LRP1B: variants seen among roughly 807,000 people sequenced by gnomAD.
LRP1B encodes low-density lipoprotein receptor-related protein 1B.
A neutral mutation model predicts 556.6 loss-of-function variants in LRP1B; 217 were observed. The ratio of observed to expected loss-of-function variants is 0.39; its 90% CI spans 0.35 to 0.44. The LOEUF is 0.44. Ranked by LOEUF, LRP1B falls within the 20% of genes least tolerant of loss-of-function variation. The pLI is 1.00. For synonymous variants in LRP1B, 2,047 were observed against 1,865.8 expected, an observed-to-expected ratio of 1.10 and a Z score of -2.50; for missense variants, 5,053 against 5,620.8, an observed-to-expected ratio of 0.90 and a Z score of 3.23.
chr2:141,230,866 C>G (rs796946413), intron 5 of LRP1B, among the ~76,000 whole-genome samples: 7 of 152,260 alleles, frequency 4.6e-5, no homozygotes, highest in African/African-American at 1.7e-4. Context: ...TTTCTATACA[C>G]CTTCATAGTT....
At chr2:141,056,810 A>G (rs1272567852) in intron 9 of LRP1B, among the ~76,000 whole-genome samples, 1 of 151,856 alleles carries the variant, frequency 6.6e-6, no homozygotes, top group African/African-American at 2.4e-5. Flanking sequence ...CTTCAACTCC[A>G]GAGTTGTATA....
intron 1 of LRP1B, among the ~76,000 whole-genome samples, chr2:141,859,463 T>C (rs1698171377): frequency 6.6e-6 from 1 of 152,206 alleles, no homozygotes; most frequent in Non-Finnish European, 1.5e-5. Flanking sequence ...CCATTAAACA[T>C]GACCAATATC....
rs146163699 is a variant in LRP1B at position 141,541,970 on chromosome 2, G to A, written c.206-61437C>T. ...TTCTAGAAGTTATGGCAGGCATCAT[G>A]GCAAATTTCTAATAGCTTTGCTTTT... is the stretch of plus-strand genomic sequence containing the variant. On this transcript the variant is annotated intron_variant, in intron 2 of 90. Coordinates refer to ENST00000389484, the MANE Select transcript of LRP1B (RefSeq NM_018557.3). Among the ~76,000 whole-genome samples the A allele has an allele frequency of 3.2e-4, 49 of 152,062 alleles. 1 individual carries two copies. In the East Asian group the frequency reaches 9.1e-3, roughly 28 times the overall value.
intron 2 of LRP1B, among the ~76,000 whole-genome samples, chr2:141,701,727 C>G (rs1347274020): frequency 6.6e-6 from 1 of 151,834 alleles, no homozygotes; most frequent in East Asian, 1.9e-4. Flanking sequence ...TTACATTGCC[C>G]TAAGACAGTC....
intron 79 of LRP1B, among the ~76,000 whole-genome samples, chr2:140,333,635 C>T (rs1558809567): frequency 1.3e-5 from 2 of 152,020 alleles, no homozygotes; most frequent in Admixed American, 6.6e-5. Flanking sequence ...TATTACAATG[C>T]ATAATTATTA....
chr2:141,930,073 G>C (rs1296482150), intron 1 of LRP1B, among the ~76,000 whole-genome samples: 1 of 151,854 alleles, frequency 6.6e-6, no homozygotes, highest in Non-Finnish European at 1.5e-5. Flanking sequence ...TTGCCCAAAA[G>C]AGCTTTTCAA....
At chr2:141,896,217 T>G (rs1699449088) in intron 1 of LRP1B, among the ~76,000 whole-genome samples, 1 of 152,106 alleles carries the variant, frequency 6.6e-6, no homozygotes, top group Non-Finnish European at 1.5e-5. Flanking sequence ...AAAAGCAAAG[T>G]TTTTCAAACT....
At chr2:141,104,643 G>A (rs143508314) in intron 7 of LRP1B, among the ~76,000 whole-genome samples, 2,698 of 152,052 alleles carry the variant, frequency 0.018, 37 homozygotes, top group Middle Eastern at 0.031. Context: ...TTTAAAAATT[G>A]AACAGCAATG....
In LRP1B at chr2:141,917,905, G is replaced by T. The variant is rs548365873; in HGVS notation, c.83-107504C>A. 3.9e-5 allele frequency among the ~76,000 whole-genome samples: 6 copies of T among 152,152 alleles called. 1 individual carries two copies. The South Asian group carries it at 1.2e-3, about 32-fold the overall frequency. ...ATGTTTATTGCAATATTGTTTGAAG[G>T]CAAGACAACAAGAAACAGCTAACAT... On this transcript the variant is annotated intron_variant, in intron 1 of 90. Transcript: ENST00000389484.
chr2:140,323,909 A>G lies in LRP1B; in HGVS notation c.12498T>C (p.Arg4166=), dbSNP rs1680307820. 1.3e-6 allele frequency: 2 copies of G among 1,537,570 alleles called. No individual in the cohort carries two copies. Among genetic ancestry groups the G allele is most frequent in the Non-Finnish European group, 9.0e-7 (1 of 1,112,658 alleles). ...TATACTTACAATCTAGTTGTTTATAACGATGAGATATCAAAACACCTTTTG... is the reference window on the plus strand; with the variant it reads ...TATACTTACAATCTAGTTGTTTATAGCGATGAGATATCAAAACACCTTTTG... ...DKTKGVLISH[R]YKQLDLPNPC... The change falls in exon 81 of 91, where the codon CGT becomes CGC. Residue 4166 remains arginine, a synonymous_variant. Transcript: ENST00000389484.
chr2:141,155,412 T>G (rs1702041030), intron 7 of LRP1B, among the ~76,000 whole-genome samples: 2 of 151,856 alleles, frequency 1.3e-5, no homozygotes, highest in Admixed American at 1.3e-4. Context: ...AATATACTAT[T>G]TTTCTGGAAA....
chr2:141,202,427 T>C (rs558178782), intron 6 of LRP1B, among the ~76,000 whole-genome samples: 2 of 152,348 alleles, frequency 1.3e-5, no homozygotes, highest in South Asian at 2.1e-4. Flanking sequence ...TCTGGGTATA[T>C]ACCCAGTAAC....
chr2:140,989,766 A>T (rs1177006147), intron 16 of LRP1B, 109 bp from the exon 17 acceptor site: 13 of 1,034,014 alleles, frequency 1.3e-5, no homozygotes, highest in African/African-American at 1.6e-5. Context: ...AGTACAATAA[A>T]TGTCATAGAG....
Position 140,411,117 on chromosome 2 carries a change from G to C in LRP1B, c.10415-25108C>G, listed in dbSNP as rs572820494. Among the ~76,000 whole-genome samples, 16 of 152,178 alleles carry C rather than the reference G, an allele frequency of 1.1e-4. 1 individual carries two copies. In the South Asian group the frequency reaches 3.3e-3, roughly 32 times the overall value. On this transcript the variant is annotated intron_variant, in intron 66 of 90. Transcript: ENST00000389484. ...ATTCAGCATTAGGGAGCCAAGTATT[G>C]TTTCACCAGAGATTTAGGCAATCTG...
intron 35 of LRP1B, among the ~76,000 whole-genome samples, chr2:140,761,942 T>C (rs191891113): frequency 6.6e-6 from 1 of 151,644 alleles, no homozygotes; most frequent in African/African-American, 2.4e-5. Flanking sequence ...CTTCTCCTCA[T>C]CCATTCTATG....
chr2:141,321,344 T>G (rs1045524657), intron 3 of LRP1B, among the ~76,000 whole-genome samples: 1 of 152,134 alleles, frequency 6.6e-6, no homozygotes, highest in Admixed American at 6.6e-5. Context: ...AATCAAGAGC[T>G]AAAACAATGT....
At chr2:141,203,720 G>T (rs1409188412) in intron 6 of LRP1B, among the ~76,000 whole-genome samples, 2 of 152,102 alleles carry the variant, frequency 1.3e-5, no homozygotes, top group Admixed American at 1.3e-4. Flanking sequence ...CAAATCAACA[G>T]AATATACATT....
intron 6 of LRP1B, among the ~76,000 whole-genome samples, chr2:141,214,903 T>G (rs1682728628): frequency 6.6e-6 from 1 of 152,198 alleles, no homozygotes; most frequent in Admixed American, 6.5e-5. Context: ...AAGGTCATGA[T>G]TTGGCATGGT....
At chr2:141,098,220 T>TA (rs911228139) in intron 7 of LRP1B, among the ~76,000 whole-genome samples, 2 of 152,196 alleles carry the variant, frequency 1.3e-5, no homozygotes, top group African/African-American at 2.4e-5. Flanking sequence ...TGGTATCTTT[T>TA]AAATTGGTTG....
Sources: allele counts gnomAD v4.1 joint callset (sites outside exome capture counted in the v4.1 genomes callset), GRCh38; gene constraint gnomAD v4.1.1; transcripts MANE v1.5; gene names NCBI Gene and HGNC (gene_info 2026-07-23, HGNC 2026-07-21).